Variants in PAN3 observed in about 807,000 individuals in gnomAD.
PAN3 encodes the protein poly(A) specific ribonuclease subunit PAN3.
A neutral mutation model predicts 96.2 loss-of-function variants in PAN3; 19 were observed. The observed-to-expected ratio is 0.20, with a 90% CI of 0.14 to 0.29. PAN3 has a LOEUF of 0.29. Among genes scored for constraint, PAN3 ranks in the 10% least tolerant of loss-of-function variants. The pLI is 1.00. For missense variants in PAN3, 882 were observed against 1,108.1 expected (o/e 0.80, Z 2.90); for synonymous variants, 433 against 406.6 (o/e 1.06, Z -0.78).
intron 1 of PAN3, among the ~76,000 whole-genome samples, chr13:28,165,847 C>G (rs1873470900): frequency 6.6e-6 from 1 of 152,086 alleles, no homozygotes; most frequent in South Asian, 2.1e-4. Context: ...GTGGAAGGGT[C>G]TAACAGTTTC....
chr13:28,281,870 A>C (rs558790334), intron 17 of PAN3, among the ~76,000 whole-genome samples: 94 of 151,514 alleles, frequency 6.2e-4, no homozygotes, highest in African/African-American at 2.2e-3. Flanking sequence ...TCCCAGGTTC[A>C]AGCGATTCTC....
intron 1 of PAN3, among the ~76,000 whole-genome samples, chr13:28,166,371 C>A (rs1873536161): frequency 6.6e-6 from 1 of 152,210 alleles, no homozygotes. Context: ...TGAGAATAAT[C>A]TTGTTTAACT....
At chr13:28,140,992 A>G (rs1869695442) in intron 1 of PAN3, among the ~76,000 whole-genome samples, 1 of 148,736 alleles carries the variant, frequency 6.7e-6, no homozygotes. Flanking sequence ...TCTTACTGAC[A>G]GAAAGAGACA....
intron 5 of PAN3, among the ~76,000 whole-genome samples, chr13:28,214,286 T>A (rs536479549): frequency 6.6e-6 from 1 of 152,340 alleles, no homozygotes; most frequent in South Asian, 2.1e-4. Flanking sequence ...CACAGCAGCT[T>A]TATTTGTAAT....
At chr13:28,203,943 C>T (rs1345443375) in intron 5 of PAN3, among the ~76,000 whole-genome samples, 1 of 151,558 alleles carries the variant, frequency 6.6e-6, no homozygotes, top group East Asian at 1.9e-4. Flanking sequence ...AGCTGGGATA[C>T]AGGCACACTC....
chr13:28,272,374 G>A (rs1042456640), intron 14 of PAN3: 6 of 196,390 alleles, frequency 3.1e-5, no homozygotes, highest in South Asian at 1.7e-4. Context: ...CCAAGCAATC[G>A]TCTCGCCTCA....
intron 5 of PAN3, among the ~76,000 whole-genome samples, chr13:28,212,772 A>G (rs1212801473): frequency 2.6e-5 from 4 of 152,224 alleles, no homozygotes; most frequent in Non-Finnish European, 4.4e-5. Flanking sequence ...AGGCATAGCA[A>G]TAGAAACTGC....
chr13:28,174,174 G>C, intron 1 of PAN3, 98 bp from the exon 2 acceptor site: 2 of 1,291,912 alleles, frequency 1.5e-6, no homozygotes, highest in Non-Finnish European at 2.1e-6. Flanking sequence ...AAGTGTGACA[G>C]ATTTGAGACT....
chr13:28,201,201 A>AT (rs751544386), intron 5 of PAN3, among the ~76,000 whole-genome samples: 4,281 of 133,876 alleles, frequency 0.032, 184 homozygotes, highest in African/African-American at 0.11. Context: ...CACCCACCTA[A>AT]TTTTTTTTTT....
chr13:28,166,352 C>A (rs1331089727), intron 1 of PAN3, among the ~76,000 whole-genome samples: 2 of 152,356 alleles, frequency 1.3e-5, no homozygotes, highest in Middle Eastern at 3.4e-3. Context: ...AACATTAAAT[C>A]TGGATGCCTG....
chr13:28,293,565 C>G lies in PAN3; in HGVS notation c.*1043C>G, dbSNP rs1870025555. On this transcript the variant is annotated 3_prime_UTR_variant, in exon 19 of 19. Coordinates refer to ENST00000380958, the MANE Select transcript of PAN3 (RefSeq NM_175854.8). ...TCAAGAGCTTTCTGATGTTTTACAG[C>G]CTGAATTTGGAGGGATAACGATCTG... is the stretch of plus-strand genomic sequence containing the variant. 1 of 152,188 alleles carries G rather than the reference C, an allele frequency of 6.6e-6. No individual in the cohort carries two copies. Among genetic ancestry groups the G allele is most frequent in the Non-Finnish European group, 1.5e-5 (1 of 67,970 alleles). The allele number at this position is 152,188 out of a possible 1,614,324, so 9.4% of individuals were successfully genotyped here.
intron 1 of PAN3, among the ~76,000 whole-genome samples, chr13:28,152,085 G>A (rs1204910356): frequency 6.6e-6 from 1 of 152,056 alleles, no homozygotes; most frequent in East Asian, 1.9e-4. Flanking sequence ...GAAAGAATAG[G>A]TAAGTAACAT....
chr13:28,236,775 C>T (rs990236093), intron 6 of PAN3, among the ~76,000 whole-genome samples: 6 of 152,072 alleles, frequency 3.9e-5, no homozygotes, highest in African/African-American at 1.4e-4. Context: ...GAGCAGGGTT[C>T]TTTTTATTTT....
chr13:28,232,120 AAG>A (rs1436174549), intron 6 of PAN3, among the ~76,000 whole-genome samples: 1 of 152,180 alleles, frequency 6.6e-6, no homozygotes, highest in Non-Finnish European at 1.5e-5. Context: ...AAAAATGAAA[AAG>A]AATACTTTAT....
chr13:28,239,414 A>G (rs1883436921), intron 6 of PAN3: 2 of 293,178 alleles, frequency 6.8e-6, no homozygotes, highest in Non-Finnish European at 1.4e-5. Flanking sequence ...GCTTTAATCA[A>G]GAACTGCCCA....
intron 5 of PAN3, among the ~76,000 whole-genome samples, chr13:28,218,051 T>C (rs1027931557): frequency 1.3e-5 from 2 of 152,036 alleles, no homozygotes; most frequent in Non-Finnish European, 2.9e-5. Context: ...TTTCAAAAAA[T>C]TATTCTTAAC....
intron 5 of PAN3, among the ~76,000 whole-genome samples, chr13:28,211,833 A>G (rs1880073494): frequency 1.3e-5 from 2 of 152,212 alleles, no homozygotes; most frequent in African/African-American, 4.8e-5. Context: ...GAGAGATGGA[A>G]AACAAATGAG....
intron 6 of PAN3, among the ~76,000 whole-genome samples, chr13:28,247,305 G>A (rs1884288405): frequency 6.6e-6 from 1 of 151,180 alleles, no homozygotes; most frequent in Non-Finnish European, 1.5e-5. Context: ...TTTTTCTATT[G>A]AGGTGTTTGA....
intron 4 of PAN3, among the ~76,000 whole-genome samples, chr13:28,180,595 T>C (rs960301229): frequency 3.3e-5 from 5 of 152,338 alleles, no homozygotes; most frequent in African/African-American, 1.2e-4. Flanking sequence ...CAAATTTATC[T>C]CAGCAGGCTA....
Sources: allele counts gnomAD v4.1 joint callset (sites outside exome capture counted in the v4.1 genomes callset), GRCh38; gene constraint gnomAD v4.1.1; transcripts MANE v1.5; gene names NCBI Gene and HGNC (gene_info 2026-07-23, HGNC 2026-07-21).